ROBO2: variants seen among roughly 807,000 people sequenced by gnomAD.
ROBO2 encodes roundabout homolog 2.
A neutral mutation model predicts 160.8 loss-of-function variants in ROBO2; 53 were observed. That is an observed-to-expected ratio of 0.33 (90% CI 0.26 to 0.41). The LOEUF (loss-of-function observed/expected upper bound fraction) is 0.41, where lower values mean the gene tolerates loss of function less well. Ranked by LOEUF, ROBO2 falls within the 10% of genes least tolerant of loss-of-function variation. The probability of loss-of-function intolerance (pLI) is 1.00; values close to 1 mark genes in which losing one functional copy is unlikely to be tolerated. For missense variants in ROBO2, 1,577 were observed against 1,722.4 expected, an observed-to-expected ratio of 0.92 and a Z score of 1.49; for synonymous variants, 664 against 611.7, an observed-to-expected ratio of 1.09 and a Z score of -1.26.
At chr3:77,484,022 A>G (rs1325952884) in intron 4 of ROBO2, among the ~76,000 whole-genome samples, 1 of 151,968 alleles carries the variant, frequency 6.6e-6, no homozygotes, top group African/African-American at 2.4e-5. Context: ...CCATTTGATC[A>G]TATCAAAGAT....
At chr3:77,626,256 A>G (rs1474819477) in intron 23 of ROBO2, among the ~76,000 whole-genome samples, 1 of 152,204 alleles carries the variant, frequency 6.6e-6, no homozygotes, top group Non-Finnish European at 1.5e-5. Flanking sequence ...GCATTTAATC[A>G]AGATCAAGAT....
intron 2 of ROBO2, among the ~76,000 whole-genome samples, chr3:76,765,433 G>C (rs897300673): frequency 6.6e-6 from 1 of 151,602 alleles, no homozygotes; most frequent in African/African-American, 2.4e-5. Context: ...TCCTACTGTT[G>C]AGATGTGGGG....
chr3:77,092,723 T>C (rs1393508303), intron 1 of ROBO2, among the ~76,000 whole-genome samples: 3 of 149,180 alleles, frequency 2.0e-5, no homozygotes, highest in South Asian at 2.1e-4. Flanking sequence ...ATACCAGACA[T>C]GATATCAGTC....
chr3:77,335,204 C>T (rs1252219061), intron 2 of ROBO2, among the ~76,000 whole-genome samples: 6 of 152,032 alleles, frequency 3.9e-5, no homozygotes, highest in Admixed American at 3.3e-4. Flanking sequence ...GACAGGAGTC[C>T]GAGACCAGCC....
At chr3:77,420,256 C>CTT (rs5850330) in intron 2 of ROBO2, among the ~76,000 whole-genome samples, 29 of 148,354 alleles carry the variant, frequency 2.0e-4, no homozygotes, top group Admixed American at 4.1e-4. Flanking sequence ...TTACAGATGA[C>CTT]TTTTTTTTTT....
chr3:77,225,843 A>T (rs1266037978), intron 2 of ROBO2, among the ~76,000 whole-genome samples: 3 of 152,028 alleles, frequency 2.0e-5, no homozygotes, highest in Non-Finnish European at 4.4e-5. Flanking sequence ...TTTATCCAGA[A>T]ATAGAATTTG....
chr3:76,390,913 A>G (rs1383926369), intron 2 of ROBO2, among the ~76,000 whole-genome samples: 2 of 152,160 alleles, frequency 1.3e-5, no homozygotes, highest in Non-Finnish European at 2.9e-5. Context: ...TATAACAGAG[A>G]CAGTGAAGTG....
intron 6 of ROBO2, among the ~76,000 whole-genome samples, chr3:77,523,912 A>C (rs796530): frequency 1.3e-5 from 2 of 151,066 alleles, no homozygotes; most frequent in Non-Finnish European, 1.5e-5. Flanking sequence ...TCCCAAAGAG[A>C]TTCAGAAGGT....
intron 2 of ROBO2, among the ~76,000 whole-genome samples, chr3:76,945,630 T>G (rs538069273): frequency 6.6e-6 from 1 of 152,332 alleles, no homozygotes; most frequent in African/African-American, 2.4e-5. Context: ...AATTAGTTGT[T>G]TAATACTTTT....
At chr3:76,185,134 A>AT (rs1701683005) in intron 2 of ROBO2, among the ~76,000 whole-genome samples, 1 of 143,574 alleles carries the variant, frequency 7.0e-6, no homozygotes, top group Non-Finnish European at 1.5e-5. Flanking sequence ...AATTGTAGCC[A>AT]TTTTTTAATC....
intron 5 of ROBO2, among the ~76,000 whole-genome samples, chr3:77,515,149 A>T (rs1305449983): frequency 6.6e-6 from 1 of 151,714 alleles, no homozygotes; most frequent in East Asian, 1.9e-4. Context: ...AGTTAATCTG[A>T]TCACAATTAC....
chr3:76,175,879 C>T (rs991150035), intron 2 of ROBO2, among the ~76,000 whole-genome samples: 3 of 152,122 alleles, frequency 2.0e-5, no homozygotes, highest in Non-Finnish European at 4.4e-5. Flanking sequence ...AAGAGAAGTT[C>T]TCTCATCCTA....
intron 2 of ROBO2, among the ~76,000 whole-genome samples, chr3:76,183,411 G>A (rs990972178): frequency 2.6e-5 from 4 of 152,064 alleles, no homozygotes; most frequent in African/African-American, 9.7e-5. Flanking sequence ...GAAATAGCAC[G>A]GTACTTGTGG....
intron 1 of ROBO2, among the ~76,000 whole-genome samples, chr3:77,076,485 A>G (rs577996713): frequency 6.7e-6 from 1 of 148,994 alleles, no homozygotes; most frequent in East Asian, 2.1e-4. Flanking sequence ...TGTAAATAAA[A>G]TAAGTAAAAT....
intron 2 of ROBO2, among the ~76,000 whole-genome samples, chr3:77,160,509 A>G (rs896171103): frequency 2.0e-5 from 3 of 152,170 alleles, no homozygotes; most frequent in South Asian, 2.1e-4. Flanking sequence ...TACCCTCTTA[A>G]TAATATATCC....
At position 77,617,535 on chromosome 3, in the gene ROBO2, C is replaced by T. The variant is rs139552984; in HGVS notation, c.3316C>T (p.Pro1106Ser). ...CAGCTATGACAGTGATAGCTGGTGC[C>T]CACCATTGCCAGTACAAACTTACTT... is the stretch of plus-strand genomic sequence containing the variant. The change falls in exon 22 of 26, where the codon CCA becomes TCA. Residue 1106 changes from proline to serine, a missense_variant. Physicochemically the swap from Pro to Ser is moderately conservative, Grantham distance 74 (BLOSUM62 -1). Coordinates refer to ENST00000461745, the Ensembl canonical transcript of ROBO2. 26 of 1,614,084 alleles carry T rather than the reference C, an allele frequency of 1.6e-5. No homozygotes were observed. The East Asian group carries it at 5.1e-4, about 32-fold the overall frequency.
intron 2 of ROBO2, among the ~76,000 whole-genome samples, chr3:76,054,170 G>A (rs1559871450): frequency 6.6e-6 from 1 of 152,032 alleles, no homozygotes; most frequent in African/African-American, 2.4e-5. Flanking sequence ...CAATAATAAG[G>A]CAACCTCTAT....
intron 2 of ROBO2, among the ~76,000 whole-genome samples, chr3:76,314,436 TAG>T (rs2071830184): frequency 6.6e-6 from 1 of 151,930 alleles, no homozygotes; most frequent in East Asian, 1.9e-4. Context: ...TATATATAAA[TAG>T]ATAATATCAT....
chr3:76,933,006 G>T (rs1434317229), intron 2 of ROBO2, among the ~76,000 whole-genome samples: 1 of 152,008 alleles, frequency 6.6e-6, no homozygotes, highest in Non-Finnish European at 1.5e-5. Context: ...TTGTTAGGAT[G>T]AGGATATTCT....
Sources: allele counts gnomAD v4.1 joint callset (sites outside exome capture counted in the v4.1 genomes callset), GRCh38; gene constraint gnomAD v4.1.1; transcripts MANE v1.5; gene names NCBI Gene and HGNC (gene_info 2026-07-23, HGNC 2026-07-21).